Variants in ADGRG1 observed in about 807,000 individuals in gnomAD.
ADGRG1 encodes 7-transmembrane protein with no EGF-like N-terminal domains-1.
ADGRG1 carries 53 observed loss-of-function variants against 73.5 expected under a neutral mutation model. The observed-to-expected ratio is 0.72, with a 90% CI of 0.58 to 0.91. ADGRG1 has a LOEUF of 0.91. Among genes scored for constraint, ADGRG1 ranks in the 40% least tolerant of loss-of-function variants. The probability of loss-of-function intolerance (pLI) is 0.00; values close to 1 mark genes in which losing one functional copy is unlikely to be tolerated. For missense variants in ADGRG1, 795 were observed against 871.8 expected (o/e 0.91, Z 1.11); for synonymous variants, 394 against 374.4 (o/e 1.05, Z -0.60).
At chr16:57,634,161 C>T in intron 1 of ADGRG1, 1 of 985,458 alleles carries the variant, frequency 1.0e-6, no homozygotes, top group Non-Finnish European at 1.2e-6. Flanking sequence ...CCCTAGGCCC[C>T]TGGGAGCTAG....
At chr16:57,643,577 A>T (rs569898429) in intron 1 of ADGRG1, 8 of 984,692 alleles carry the variant, frequency 8.1e-6, no homozygotes, top group Non-Finnish European at 9.6e-6. Context: ...GGGGGTGTCC[A>T]GCAGGTCTGG....
intron 1 of ADGRG1, chr16:57,644,132 C>T: frequency 1.0e-6 from 1 of 985,132 alleles, no homozygotes; most frequent in Non-Finnish European, 1.2e-6. Flanking sequence ...CCCTTCCCAG[C>T]TTTGAAGTCT....
chr16:57,650,969 AAGTGCTG>A (rs1360962359), intron 2 of ADGRG1: 1 of 637,050 alleles, frequency 1.6e-6, no homozygotes, highest in African/African-American at 2.1e-5. Flanking sequence ...CAGCCTCCCA[AAGTGCTG>A]GGATTACAGG....
rs546033645 is a variant in ADGRG1, at chr16:57,662,401, C to T, written c.1933+436C>T. 1.3e-3 allele frequency among the ~76,000 whole-genome samples: 179 copies of T among 138,794 alleles called. 2 individuals carry two copies. The highest frequency in any genetic ancestry group is 7.4e-3 in the Middle Eastern group (2 of 272). The allele number at this position is 138,794 out of a possible 152,430, so 91.1% of individuals were successfully genotyped here. A position where few individuals can be genotyped will look rare whatever the true frequency, so the allele number is the denominator to read the frequency against. On this transcript the variant is annotated intron_variant, in intron 13 of 13. Coordinates refer to ENST00000562631, the MANE Select transcript of ADGRG1 (RefSeq NM_201525.4). The stretch of plus-strand genomic sequence containing the variant: ...GTGTGAAGACAAGAGAAGGATCCCC[C>T]CATGGAGAGATGGGGGGGCCTCCCT...
In ADGRG1 at chr16:57,659,686, G is replaced by T; in HGVS notation, c.1555+5G>T. 15 of 1,613,550 alleles carry T rather than the reference G, an allele frequency of 9.3e-6. No individual in the cohort carries two copies. The highest frequency in any genetic ancestry group is 1.2e-5 in the Non-Finnish European group (14 of 1,179,884). On this transcript the variant is annotated splice_donor_5th_base_variant and intron_variant, in intron 11 of 13. Transcript: ENST00000562631. ...AGCTGAGCGCCATGGGCTGGGGTAA[G>T]TGGTTGGGCGGGGGGTGCCTCAGAC...
At chr16:57,662,831 C>T (rs1193947719) in intron 13 of ADGRG1, 5 of 536,226 alleles carry the variant, frequency 9.3e-6, no homozygotes, top group South Asian at 8.0e-5. Flanking sequence ...TGTTCCTGGC[C>T]GTGCAGAATG....
At chr16:57,642,696 T>G (rs894087225) in intron 1 of ADGRG1, 3 of 956,338 alleles carry the variant, frequency 3.1e-6, no homozygotes, top group Non-Finnish European at 3.7e-6. Context: ...TACCTCATGG[T>G]AAAGATGGGG....
At chr16:57,644,413 C>T (rs1318793404) in intron 1 of ADGRG1, among the ~76,000 whole-genome samples, 6 of 150,986 alleles carry the variant, frequency 4.0e-5, no homozygotes, top group African/African-American at 1.5e-4. Flanking sequence ...TGCATGGGCA[C>T]ACACACTCGT....
At chr16:57,653,689 C>A in intron 4 of ADGRG1, 1 of 843,510 alleles carries the variant, frequency 1.2e-6, no homozygotes, top group Non-Finnish European at 1.4e-6. Flanking sequence ...ACCCATGGTG[C>A]TGAGTCCCAG....
At position 57,645,063 on chromosome 16, in the gene ADGRG1, G is replaced by A. The variant is rs535458041; in HGVS notation, c.-35-5190G>A. On this transcript the variant is annotated intron_variant, in intron 1 of 13. Transcript: ENST00000562631. The stretch of plus-strand genomic sequence containing the variant: ...TGCACATACACACACTCATGCACAC[G>A]CACACACACCCACATGCCTGTGTAA... 4.0e-5 allele frequency: 39 copies of A among 984,826 alleles called. No homozygotes were observed. In the Admixed American group the frequency reaches 6.1e-4, roughly 16 times the overall value. 61.0% of individuals were successfully genotyped at this position (984,826 alleles called of 1,614,324 possible).
At chr16:57,629,182 T>G in intron 1 of ADGRG1, 4 of 984,688 alleles carry the variant, frequency 4.1e-6, no homozygotes, top group Non-Finnish European at 4.8e-6. Flanking sequence ...GGGGTCTTGG[T>G]ATCTTGGTGG....
intron 1 of ADGRG1, chr16:57,648,557 G>A (rs1370280901): frequency 1.0e-6 from 1 of 983,482 alleles, no homozygotes; most frequent in Non-Finnish European, 1.2e-6. Flanking sequence ...GACTGGCCCA[G>A]GAAGGAGACA....
chr16:57,623,409 T>G (rs1399839227), upstream of ADGRG1, among the ~76,000 whole-genome samples: 1 of 152,216 alleles, frequency 6.6e-6, no homozygotes, highest in Non-Finnish European at 1.5e-5. Context: ...GGGAGCCAGT[T>G]AGATGGAGTC....
chr16:57,655,822 C>A, intron 6 of ADGRG1, 54 bp from the exon 7 acceptor site: 2 of 1,613,686 alleles, frequency 1.2e-6, no homozygotes, highest in South Asian at 2.2e-5. Context: ...CTGGGCCCTT[C>A]TTCTCAGTCC....
intron 1 of ADGRG1, chr16:57,645,037 A>G (rs2042222515): frequency 1.0e-6 from 1 of 976,664 alleles, no homozygotes; most frequent in Non-Finnish European, 1.2e-6. Flanking sequence ...TCACACACTC[A>G]TGCACATACA....
Position 57,655,713 on chromosome 16 carries a change from A to C in ADGRG1, c.901-163A>C, listed in dbSNP as rs537390948. 72 of 985,324 alleles carry C rather than the reference A, an allele frequency of 7.3e-5. No homozygotes were observed. The African/African-American group carries it at 1.2e-3, about 16-fold the overall frequency. 61.0% of individuals were successfully genotyped at this position (985,324 alleles called of 1,614,324 possible). ...GGCTAAGCAATGTTCTTCTTACTATAGTGTAAATGACTACATGGGCAAAAG... is the reference window on the plus strand; with the variant it reads ...GGCTAAGCAATGTTCTTCTTACTATCGTGTAAATGACTACATGGGCAAAAG... On this transcript the variant is annotated intron_variant, in intron 6 of 13. Transcript: ENST00000562631.
chr16:57,634,896 C>A, intron 1 of ADGRG1: 2 of 931,870 alleles, frequency 2.1e-6, no homozygotes, highest in Non-Finnish European at 2.6e-6. Flanking sequence ...GTGCCTCTAT[C>A]TAGAAACCCT....
chr16:57,640,906 C>G (rs769137413), intron 1 of ADGRG1: 7 of 985,544 alleles, frequency 7.1e-6, no homozygotes, highest in Non-Finnish European at 8.4e-6. Context: ...ACTGGGCTGA[C>G]CTTGCGGGCC....
At chr16:57,634,001 G>A in intron 1 of ADGRG1, 4 of 824,994 alleles carry the variant, frequency 4.8e-6, no homozygotes, top group Non-Finnish European at 5.9e-6. Flanking sequence ...GGGCTGGGGA[G>A]CTGAGCTGGA....
Sources: gnomAD v4.1 joint callset for allele counts (sites outside exome capture counted in the v4.1 genomes callset) on GRCh38, gnomAD v4.1.1 for gene constraint, MANE v1.5 for transcripts, NCBI Gene and HGNC (gene_info 2026-07-23, HGNC 2026-07-21) for gene names.